The following TMTC2 variants were observed in gnomAD, a reference collection of about 807,000 sequenced individuals.
TMTC2 encodes transmembrane O-mannosyltransferase targeting cadherins 2.
In TMTC2, 43 loss-of-function variants were observed where a neutral mutation model predicts 82.4. That is an observed-to-expected ratio of 0.52 (90% CI 0.41 to 0.67). The LOEUF is 0.67. Ranked by LOEUF, TMTC2 falls within the 30% of genes least tolerant of loss-of-function variation. The pLI, the probability that TMTC2 is intolerant of heterozygous loss-of-function variation, is 0.00. For synonymous variants in TMTC2, 408 were observed against 381.9 expected (o/e 1.07, Z -0.80); for missense variants, 919 against 1,012.4 (o/e 0.91, Z 1.25).
intron 7 of TMTC2, among the ~76,000 whole-genome samples, chr12:82,970,859 T>C (rs991260299): frequency 1.2e-4 from 19 of 152,220 alleles, no homozygotes; most frequent in African/African-American, 3.6e-4. Context: ...GTCAAAATCC[T>C]TCTCTTACCA....
At chr12:82,999,298 T>A (rs1166789550) in intron 8 of TMTC2, among the ~76,000 whole-genome samples, 1 of 152,202 alleles carries the variant, frequency 6.6e-6, no homozygotes, top group Non-Finnish European at 1.5e-5. Context: ...CGATTAGACT[T>A]AGACTATGGG....
rs150398732 is a variant in TMTC2, at chr12:82,859,888, A to G, written c.654+2308A>G. 4.7e-3 allele frequency among the ~76,000 whole-genome samples: 716 copies of G among 152,318 alleles called. 4 individuals carry two copies. The highest frequency in any genetic ancestry group is 0.01 in the Middle Eastern group (3 of 294). ...GACTTTGTCTGATATTTGCTATTCT[A>G]TCGTAGCTCTTTCTGTCATTCTTAG... On this transcript the variant is annotated intron_variant, in intron 2 of 11. Transcript: ENST00000321196.
At chr12:82,897,671 G>A (rs749127150) in intron 3 of TMTC2, among the ~76,000 whole-genome samples, 17 of 151,814 alleles carry the variant, frequency 1.1e-4, no homozygotes, top group Non-Finnish European at 2.4e-4. Flanking sequence ...GATTACAGGC[G>A]CCCACCACCA....
intron 3 of TMTC2, among the ~76,000 whole-genome samples, chr12:82,919,760 G>A (rs61931371): frequency 4.6e-5 from 7 of 152,180 alleles, no homozygotes; most frequent in Admixed American, 4.6e-4. Context: ...CTTAAAACTG[G>A]AGAATAATCT....
intron 1 of TMTC2, among the ~76,000 whole-genome samples, chr12:82,773,587 A>C (rs1170505300): frequency 6.6e-6 from 1 of 151,328 alleles, no homozygotes; most frequent in Non-Finnish European, 1.5e-5. Context: ...CAGCCTCCTG[A>C]GTAGCTGGGA....
chr12:83,115,452 CT>C (rs1435683321), intron 11 of TMTC2, among the ~76,000 whole-genome samples: 3 of 152,114 alleles, frequency 2.0e-5, no homozygotes, highest in Non-Finnish European at 4.4e-5. Flanking sequence ...TTAAATTCTA[CT>C]TATTTTTATC....
chr12:82,832,019 C>G (rs1869775135), intron 1 of TMTC2, among the ~76,000 whole-genome samples: 1 of 152,112 alleles, frequency 6.6e-6, no homozygotes, highest in Non-Finnish European at 1.5e-5. Context: ...GTCTTGCCTT[C>G]ACAGTTGATA....
intron 11 of TMTC2, among the ~76,000 whole-genome samples, chr12:83,077,966 C>G (rs533743879): frequency 3.3e-5 from 5 of 151,194 alleles, no homozygotes; most frequent in Admixed American, 1.3e-4. Context: ...TTTCCTCCCC[C>G]CCACAATACC....
chr12:82,926,280 C>T lies in TMTC2; in HGVS notation c.1484-4151C>T, dbSNP rs182739743. Among the ~76,000 whole-genome samples, 111 of 152,266 alleles carry T rather than the reference C, an allele frequency of 7.3e-4. 1 individual carries two copies. The South Asian group carries it at 0.014, about 19-fold the overall frequency. ...AGGCATTAGCCACTGCGCCCGGCCACGGGAAAGTTTTATTGGCCCGGATAA... is the reference window on the plus strand; with the variant it reads ...AGGCATTAGCCACTGCGCCCGGCCATGGGAAAGTTTTATTGGCCCGGATAA... On this transcript the variant is annotated intron_variant, in intron 3 of 11. Transcript: ENST00000321196.
chr12:82,918,630 AC>A (rs1313758582), intron 3 of TMTC2, among the ~76,000 whole-genome samples: 1 of 152,224 alleles, frequency 6.6e-6, no homozygotes, highest in Non-Finnish European at 1.5e-5. Context: ...AGGAGTGATT[AC>A]TTATGCAGAC....
At chr12:83,092,468 A>G (rs1012362415) in intron 11 of TMTC2, among the ~76,000 whole-genome samples, 48 of 152,150 alleles carry the variant, frequency 3.2e-4, no homozygotes, top group African/African-American at 1.1e-3. Context: ...CATTGGTGAG[A>G]ATATAATTAT....
At chr12:82,937,740 G>GGC (rs768544657) in intron 4 of TMTC2, among the ~76,000 whole-genome samples, 1 of 80,594 alleles carries the variant, frequency 1.2e-5, no homozygotes, top group Admixed American at 1.2e-4. Flanking sequence ...ATGTGTGTGT[G>GGC]TGTGTGTGTG....
chr12:82,864,482 G>C (rs1357724336), intron 2 of TMTC2, among the ~76,000 whole-genome samples: 1 of 149,398 alleles, frequency 6.7e-6, no homozygotes, highest in Non-Finnish European at 1.5e-5. Context: ...ATTCATATCA[G>C]TGTATGTCAC....
intron 1 of TMTC2, among the ~76,000 whole-genome samples, chr12:82,816,478 A>C (rs913807997): frequency 2.6e-5 from 4 of 152,018 alleles, no homozygotes; most frequent in African/African-American, 9.7e-5. Flanking sequence ...CTCCAAAAAA[A>C]CTCAGGATTA....
chr12:82,803,896 A>G (rs1337146784), intron 1 of TMTC2, among the ~76,000 whole-genome samples: 1 of 152,002 alleles, frequency 6.6e-6, no homozygotes, highest in African/African-American at 2.4e-5. Flanking sequence ...GCTTTTTAAT[A>G]AACTTCCACT....
intron 11 of TMTC2, among the ~76,000 whole-genome samples, chr12:83,080,383 C>CTGTG (rs1223095008): frequency 6.6e-6 from 1 of 151,766 alleles, no homozygotes; most frequent in African/African-American, 2.4e-5. Context: ...CTCTCTCTCT[C>CTGTG]TCTGTGTGTG....
At chr12:83,130,936 C>T (rs1432737766) in intron 11 of TMTC2, among the ~76,000 whole-genome samples, 2 of 152,118 alleles carry the variant, frequency 1.3e-5, no homozygotes, top group African/African-American at 4.8e-5. Context: ...TCCAAAATCC[C>T]CCAAGTCAAT....
intron 8 of TMTC2, among the ~76,000 whole-genome samples, chr12:82,993,716 A>G (rs1250609425): frequency 1.3e-5 from 2 of 152,270 alleles, no homozygotes; most frequent in Non-Finnish European, 2.9e-5. Flanking sequence ...GGTCAATTGT[A>G]TATTGCTTTT....
intron 1 of TMTC2, among the ~76,000 whole-genome samples, chr12:82,735,489 G>A (rs2136946142): frequency 6.6e-6 from 1 of 151,950 alleles, no homozygotes; most frequent in South Asian, 2.1e-4. Flanking sequence ...GGGACTACAG[G>A]CGCCCGCCAC....
Sources: allele counts gnomAD v4.1 joint callset (sites outside exome capture counted in the v4.1 genomes callset), GRCh38; gene constraint gnomAD v4.1.1; transcripts MANE v1.5; gene names NCBI Gene and HGNC (gene_info 2026-07-23, HGNC 2026-07-21).